Variants in SLC22A3 observed in about 807,000 individuals in gnomAD.
The protein encoded by SLC22A3 is solute carrier family 22 member 3, also known as EMT organic cation transporter 3.
SLC22A3 carries 51 observed loss-of-function variants against 59.1 expected under a neutral mutation model. That is an observed-to-expected ratio of 0.86 (90% CI 0.69 to 1.09). The LOEUF is 1.09. SLC22A3 is among the 50% of genes least tolerant of loss of function. The pLI, the probability that SLC22A3 is intolerant of heterozygous loss-of-function variation, is 0.00. For missense variants in SLC22A3, 711 were observed against 726.3 expected (o/e 0.98, Z 0.24); for synonymous variants, 325 against 292.0 (o/e 1.11, Z -1.15).
intron 1 of SLC22A3, among the ~76,000 whole-genome samples, chr6:160,372,281 T>A (rs1271051654): frequency 6.6e-6 from 1 of 152,200 alleles, no homozygotes; most frequent in Non-Finnish European, 1.5e-5. Context: ...TATATGAAAC[T>A]CTGGGATGAA....
At chr6:160,411,546 G>A (rs986998807) in intron 5 of SLC22A3, among the ~76,000 whole-genome samples, 5 of 152,014 alleles carry the variant, frequency 3.3e-5, no homozygotes, top group African/African-American at 1.2e-4. Context: ...AGACCAGCCT[G>A]GGCAACATAG....
intron 1 of SLC22A3, among the ~76,000 whole-genome samples, chr6:160,392,911 A>T (rs1195972437): frequency 1.3e-5 from 2 of 151,802 alleles, no homozygotes; most frequent in Non-Finnish European, 2.9e-5. Flanking sequence ...TATTATTATT[A>T]TTTTTAATAC....
At chr6:160,426,182 GA>G in intron 5 of SLC22A3, 2 of 985,352 alleles carry the variant, frequency 2.0e-6, no homozygotes, top group South Asian at 9.4e-5. Context: ...ACTTTCTCTG[GA>G]ATACTTCTCA....
At chr6:160,443,014 T>C in intron 8 of SLC22A3, 145 bp downstream of exon 8, 1 of 706,358 alleles carries the variant, frequency 1.4e-6, no homozygotes, top group Non-Finnish European at 2.5e-6. Flanking sequence ...GAAGATATGC[T>C]TTGAGTTATC....
intron 7 of SLC22A3, 48 bp downstream of exon 7, chr6:160,437,259 C>T (rs1283158641): frequency 1.3e-6 from 2 of 1,575,502 alleles, no homozygotes; most frequent in East Asian, 2.2e-5. Context: ...TTGAAAACAC[C>T]TAAATCCACA....
intron 5 of SLC22A3, among the ~76,000 whole-genome samples, chr6:160,436,444 C>G (rs1369932261): frequency 6.6e-6 from 1 of 152,102 alleles, no homozygotes; most frequent in Non-Finnish European, 1.5e-5. Flanking sequence ...ATAAAGAAAC[C>G]CTTAATTGGT....
At chr6:160,361,761 G>C (rs1190517597) in intron 1 of SLC22A3, among the ~76,000 whole-genome samples, 2 of 152,196 alleles carry the variant, frequency 1.3e-5, no homozygotes, top group African/African-American at 4.8e-5. Flanking sequence ...GACATCTCTA[G>C]AACAGGAAAA....
chr6:160,426,673 T>C (rs1787965649), intron 5 of SLC22A3, among the ~76,000 whole-genome samples: 1 of 152,200 alleles, frequency 6.6e-6, no homozygotes, highest in Admixed American at 6.5e-5. Context: ...CTTCCAACTG[T>C]CGTGTGATTT....
chr6:160,420,931 G>T (rs961150710), intron 5 of SLC22A3, among the ~76,000 whole-genome samples: 6 of 152,202 alleles, frequency 3.9e-5, no homozygotes, highest in Non-Finnish European at 7.3e-5. Flanking sequence ...CTAGTTGCCT[G>T]CCAGGCTTCC....
chr6:160,366,215 T>C (rs764561604), intron 1 of SLC22A3, among the ~76,000 whole-genome samples: 19 of 152,162 alleles, frequency 1.2e-4, no homozygotes, highest in Non-Finnish European at 2.1e-4. Flanking sequence ...GTCCAAAGTC[T>C]CATCTCAGAC....
intron 1 of SLC22A3, among the ~76,000 whole-genome samples, chr6:160,388,903 A>G (rs906171264): frequency 2.0e-5 from 3 of 152,228 alleles, no homozygotes; most frequent in African/African-American, 7.2e-5. Flanking sequence ...CCAAAGCTGC[A>G]TTGTGCATCA....
intron 1 of SLC22A3, among the ~76,000 whole-genome samples, chr6:160,353,779 G>T (rs926374501): frequency 1.3e-5 from 2 of 152,032 alleles, no homozygotes. Flanking sequence ...GCCCTTTTCA[G>T]ATGGTCCATG....
chr6:160,386,626 A>G (rs1786027829), intron 1 of SLC22A3, among the ~76,000 whole-genome samples: 1 of 152,166 alleles, frequency 6.6e-6, no homozygotes, highest in African/African-American at 2.4e-5. Context: ...AAGTGGACAC[A>G]TGTGGGTCCC....
chr6:160,397,244 G>A (rs1190773486), intron 1 of SLC22A3, among the ~76,000 whole-genome samples: 4 of 152,090 alleles, frequency 2.6e-5, no homozygotes, highest in East Asian at 1.9e-4. Context: ...GATTTCATGC[G>A]CCGCCCACAA....
In SLC22A3 at chr6:160,452,038, A is replaced by G. The variant is rs1455709159; in HGVS notation, c.*982A>G. 2 of 152,262 alleles carry G rather than the reference A, an allele frequency of 1.3e-5. No homozygotes were observed. Among genetic ancestry groups the G allele is most frequent in the Admixed American group, 1.3e-4 (2 of 15,288 alleles). 9.4% of individuals were successfully genotyped at this position (152,262 alleles called of 1,614,324 possible). A position where few individuals can be genotyped will look rare whatever the true frequency, so the allele number is the denominator to read the frequency against. ...AAGCTTACATTTTAATTTAAAAGAA[A>G]GATCAATTATATCCATGCTTAACAG... On this transcript the variant is annotated 3_prime_UTR_variant, in exon 11 of 11. Coordinates refer to ENST00000275300, the MANE Select transcript of SLC22A3 (RefSeq NM_021977.4).
chr6:160,427,438 A>T (rs576218830), intron 5 of SLC22A3, among the ~76,000 whole-genome samples: 12 of 152,274 alleles, frequency 7.9e-5, no homozygotes, highest in Admixed American at 6.5e-4. Flanking sequence ...GAAGGGCCTT[A>T]TGTGCCCAGG....
intron 1 of SLC22A3, among the ~76,000 whole-genome samples, chr6:160,363,158 C>A (rs1457400480): frequency 1.3e-5 from 2 of 152,184 alleles, no homozygotes; most frequent in African/African-American, 2.4e-5. Context: ...CGAGAAGAGG[C>A]TGGAAGGGGG....
chr6:160,446,759 A>G (rs979811455), intron 9 of SLC22A3, among the ~76,000 whole-genome samples: 12 of 152,258 alleles, frequency 7.9e-5, no homozygotes, highest in African/African-American at 2.9e-4. Flanking sequence ...AATATGAAAT[A>G]TATGAGAAAT....
intron 3 of SLC22A3, among the ~76,000 whole-genome samples, chr6:160,408,164 G>T (rs1261086659): frequency 6.6e-6 from 1 of 152,146 alleles, no homozygotes; most frequent in Admixed American, 6.5e-5. Context: ...ACCAATTAGT[G>T]GGAAGGGGCA....
Sources: allele counts gnomAD v4.1 joint callset (sites outside exome capture counted in the v4.1 genomes callset), GRCh38; gene constraint gnomAD v4.1.1; transcripts MANE v1.5; gene names NCBI Gene and HGNC (gene_info 2026-07-23, HGNC 2026-07-21).